The following DHCR7 variants were observed in gnomAD, a reference collection of about 807,000 sequenced individuals.
DHCR7 encodes the protein 7-dehydrocholesterol reductase.
A neutral mutation model predicts 43.3 loss-of-function variants in DHCR7; 40 were observed. The ratio of observed to expected loss-of-function variants is 0.92; its 90% CI spans 0.72 to 1.20. The LOEUF (loss-of-function observed/expected upper bound fraction) is 1.20, where lower values mean the gene tolerates loss of function less well. DHCR7 is among the 50% of genes most tolerant of loss of function. DHCR7 has a pLI of 0.00. For missense variants in DHCR7, 608 were observed against 644.6 expected (o/e 0.94, Z 0.62); for synonymous variants, 298 against 271.4 (o/e 1.10, Z -0.96).
chr11:71,435,929 A>C, intron 8 of DHCR7, 90 bp from the exon 9 acceptor site: 1 of 1,072,022 alleles, frequency 9.3e-7, no homozygotes, highest in Non-Finnish European at 1.4e-6. Flanking sequence ...CTGGGGTCAA[A>C]CCCCAGCTCT....
intron 3 of DHCR7, among the ~76,000 whole-genome samples, chr11:71,444,641 T>C (rs1949387594): frequency 6.6e-6 from 1 of 152,198 alleles, no homozygotes; most frequent in African/African-American, 2.4e-5. Context: ...TATCTTTTTT[T>C]CTAAGTTGTT....
intron 8 of DHCR7, 58 bp from the exon 9 acceptor site, chr11:71,435,897 G>T: frequency 6.9e-7 from 1 of 1,445,940 alleles, no homozygotes; most frequent in Non-Finnish European, 9.5e-7. Flanking sequence ...GGACAGGAGT[G>T]TGGGCTCGGG....
Position 71,441,264 on chromosome 11 carries a change from C to A in DHCR7, c.589G>T (p.Val197Phe). The A allele has an allele frequency of 6.2e-7, 1 of 1,614,188 alleles. No homozygotes were observed. Residue 197 changes from valine to phenylalanine, a missense_variant, in exon 6 of 9, where the codon GTC (valine) becomes TTC (phenylalanine). By Grantham distance (50) the Val-to-Phe change is conservative (BLOSUM62 -1). Transcript: ENST00000355527. ...LGYAVSTFAM[V>F]KGYFFPTSAR... is the part of the protein sequence containing the mutation. Reference sequence around the variant, plus strand: ...CTGGTGGGGAAGAAGTAGCCCTTGACCATGGCGAAGGTGGAGACGGCATAG... The same window carrying A: ...CTGGTGGGGAAGAAGTAGCCCTTGAACATGGCGAAGGTGGAGACGGCATAG...
At position 71,442,331 on chromosome 11, in the gene DHCR7, G is replaced by A. The variant is rs1170473492; in HGVS notation, c.344C>T (p.Pro115Leu). ...GGGTAGAAACTTATGGCAGAAGTCA[G>A]GGAGAGACGTGTACAGAAGCACCTG... ...TFQVLLYTSL[P>L]DFCHKFLPGY... The change falls in exon 5 of 9, where the codon CCT becomes CTT. Residue 115 changes from proline (P) to leucine (L), a missense_variant. Pro to Leu is a moderately conservative substitution (Grantham distance 98, BLOSUM62 -3). Transcript: ENST00000355527. 1 of 1,613,914 alleles carries A rather than the reference G, an allele frequency of 6.2e-7. No homozygotes were observed. The highest frequency in any genetic ancestry group is 1.7e-5 in the Admixed American group (1 of 59,992).
chr11:71,438,805 A>G, intron 7 of DHCR7, 74 bp downstream of exon 7: 1 of 1,472,154 alleles, frequency 6.8e-7, no homozygotes, highest in East Asian at 2.3e-5. Flanking sequence ...GGTCATGGGA[A>G]TACGCTCTGG....
At position 71,441,458 on chromosome 11, in the gene DHCR7, A is replaced by G; in HGVS notation, c.413-18T>C. On this transcript the variant is annotated intron_variant, in intron 5 of 8. Transcript: ENST00000355527. ...CACAACCCCTGCAGATGAAGGATTC[A>G]GAAATGAAGGCGCTTTCCCAACCCG... The G allele has an allele frequency of 6.3e-7, 1 of 1,598,038 alleles. No individual in the cohort carries two copies. Among genetic ancestry groups the G allele is most frequent in the Non-Finnish European group, 8.5e-7 (1 of 1,169,732 alleles).
At chr11:71,432,867 C>T (rs1303943312), downstream of DHCR7, among the ~76,000 whole-genome samples, 1 of 152,196 alleles carries the variant, frequency 6.6e-6, no homozygotes, top group African/African-American at 2.4e-5. Flanking sequence ...GAGATATGTG[C>T]TGAGCAATTG....
At chr11:71,437,534 C>T (rs1449315742) in intron 8 of DHCR7, among the ~76,000 whole-genome samples, 1 of 152,196 alleles carries the variant, frequency 6.6e-6, no homozygotes, top group Non-Finnish European at 1.5e-5. Context: ...AAGAGGACCC[C>T]TCCTGCCAGT....
chr11:71,443,613 T>C (rs1949371063), intron 4 of DHCR7, among the ~76,000 whole-genome samples: 1 of 152,108 alleles, frequency 6.6e-6, no homozygotes, highest in South Asian at 2.1e-4. Flanking sequence ...GAGAGTCCCT[T>C]TGGGGACTGA....
chr11:71,446,317 T>C (rs1006737092), intron 2 of DHCR7, among the ~76,000 whole-genome samples: 5 of 104,422 alleles, frequency 4.8e-5, no homozygotes, highest in Non-Finnish European at 8.8e-5. Context: ...AAATAAAAAG[T>C]CATATAAGGA....
chr11:71,445,153 A>C (rs1012294037), intron 2 of DHCR7, among the ~76,000 whole-genome samples, 195 bp from the exon 3 acceptor site: 2 of 152,180 alleles, frequency 1.3e-5, no homozygotes, highest in African/African-American at 2.4e-5. Context: ...GGACCCTGCA[A>C]TCACCTCCCA....
downstream of DHCR7, among the ~76,000 whole-genome samples, chr11:71,427,841 C>G (rs752996521): frequency 1.3e-5 from 2 of 152,124 alleles, no homozygotes; most frequent in Non-Finnish European, 2.9e-5. Context: ...GATTAAGCAG[C>G]CAGGACTTTT....
At chr11:71,442,685 C>A (rs1591112462) in intron 4 of DHCR7, among the ~76,000 whole-genome samples, 1 of 152,074 alleles carries the variant, frequency 6.6e-6, no homozygotes, top group East Asian at 1.9e-4. Flanking sequence ...GAGATGAGGT[C>A]TTGTTCTACC....
At chr11:71,438,796 G>A (rs1949316434) in intron 7 of DHCR7, 83 bp downstream of exon 7, 16 of 1,413,692 alleles carry the variant, frequency 1.1e-5, no homozygotes, top group Non-Finnish European at 1.4e-5. Context: ...GTAGATTAAG[G>A]TCATGGGAAT....
downstream of DHCR7, among the ~76,000 whole-genome samples, chr11:71,431,583 C>T (rs1949227856): frequency 6.6e-6 from 1 of 152,164 alleles, no homozygotes; most frequent in African/African-American, 2.4e-5. Context: ...AAGTCCTCCT[C>T]CTCCTCCTTG....
chr11:71,438,078 G>C, intron 7 of DHCR7, 135 bp from the exon 8 acceptor site: 1 of 1,056,350 alleles, frequency 9.5e-7, no homozygotes, highest in East Asian at 2.5e-5. Context: ...TGCTGGGGCT[G>C]TTCCTTCCCT....
intron 6 of DHCR7, 78 bp from the exon 7 acceptor site, chr11:71,439,161 C>T: frequency 2.8e-6 from 4 of 1,404,000 alleles, no homozygotes; most frequent in Non-Finnish European, 3.9e-6. Flanking sequence ...TAGCGAGAGC[C>T]CAGCACTGGC....
chr11:71,448,303 G>C lies in DHCR7; in HGVS notation c.-145C>G, dbSNP rs1398299576. 1 of 155,026 alleles carries C rather than the reference G, an allele frequency of 6.5e-6. No individual in the cohort carries two copies. The highest frequency in any genetic ancestry group is 2.4e-5 in the African/African-American group (1 of 41,368). 9.6% of individuals were successfully genotyped at this position (155,026 alleles called of 1,614,324 possible). ...TTGGCCACTCACCTGCGCACACCTCGGCCCCTCACCTGCGCCCACCTTCCC... is the reference window on the plus strand; with the variant it reads ...TTGGCCACTCACCTGCGCACACCTCCGCCCCTCACCTGCGCCCACCTTCCC... On this transcript the variant is annotated 5_prime_UTR_variant, in exon 1 of 9. Coordinates refer to ENST00000355527, the MANE Select transcript of DHCR7 (RefSeq NM_001360.3).
upstream of DHCR7, chr11:71,448,428 G>T (rs1382761453): frequency 6.6e-6 from 1 of 152,364 alleles, no homozygotes; most frequent in Non-Finnish European, 1.5e-5. Flanking sequence ...TGATGTCAGC[G>T]ATTGCCTGCC....
Sources: gnomAD v4.1 joint callset for allele counts (sites outside exome capture counted in the v4.1 genomes callset) on GRCh38, gnomAD v4.1.1 for gene constraint, MANE v1.5 for transcripts, NCBI Gene and HGNC (gene_info 2026-07-23, HGNC 2026-07-21) for gene names.